Variants in CDC40 observed in about 807,000 individuals in gnomAD.
CDC40 encodes cell division cycle 40.
Under a neutral mutation model 80.6 loss-of-function variants are expected in CDC40, and 27 were observed. The observed-to-expected ratio is 0.33, with a 90% confidence interval of 0.25 to 0.46. CDC40 has a LOEUF of 0.46. Ranked by LOEUF, CDC40 falls within the 20% of genes least tolerant of loss-of-function variation. The pLI, the probability that CDC40 is intolerant of heterozygous loss-of-function variation, is 1.00. For synonymous variants in CDC40, 221 were observed against 232.6 expected (o/e 0.95, Z 0.45); for missense variants, 486 against 694.1 (o/e 0.70, Z 3.37).
chr6:110,208,999 T>G, intron 4 of CDC40, 85 bp from the exon 5 acceptor site: 1 of 863,616 alleles, frequency 1.2e-6, no homozygotes, highest in Non-Finnish European at 1.8e-6. Flanking sequence ...TAAAATAAAA[T>G]TAAACATATG....
chr6:110,225,939 C>A (rs898854660), intron 12 of CDC40, among the ~76,000 whole-genome samples: 3 of 152,120 alleles, frequency 2.0e-5, no homozygotes, highest in Admixed American at 6.5e-5. Flanking sequence ...AAATCACCAC[C>A]ACTGTTATAA....
chr6:110,222,660 C>G (rs899054371), intron 12 of CDC40, among the ~76,000 whole-genome samples: 8 of 152,244 alleles, frequency 5.3e-5, no homozygotes, highest in Admixed American at 5.2e-4. Flanking sequence ...GGTGCCTCCT[C>G]TCCATCGTCC....
At chr6:110,216,033 G>A (rs893313653) in intron 9 of CDC40, among the ~76,000 whole-genome samples, 2 of 152,270 alleles carry the variant, frequency 1.3e-5, no homozygotes, top group Admixed American at 6.5e-5. Context: ...TAAGGTTTTA[G>A]ATACACCAAA....
At chr6:110,204,106 G>A (rs1777527246) in intron 3 of CDC40, among the ~76,000 whole-genome samples, 1 of 152,042 alleles carries the variant, frequency 6.6e-6, no homozygotes, top group African/African-American at 2.4e-5. Context: ...TCCGCCTCCT[G>A]GGTTCAACGC....
chr6:110,188,802 G>GTGGTGTT (rs1370066368), intron 1 of CDC40, among the ~76,000 whole-genome samples: 1 of 152,218 alleles, frequency 6.6e-6, no homozygotes, highest in Non-Finnish European at 1.5e-5. Context: ...GGTAGCCATA[G>GTGGTGTT]CAGTTTAGTA....
At chr6:110,207,345 A>C (rs147700872) in intron 3 of CDC40, among the ~76,000 whole-genome samples, 161 bp from the exon 4 acceptor site, 1 of 151,452 alleles carries the variant, frequency 6.6e-6, no homozygotes, top group African/African-American at 2.4e-5. Context: ...AAAGGAAGCA[A>C]TATAGCTCAG....
At chr6:110,202,585 C>T (rs1031041356) in intron 3 of CDC40, among the ~76,000 whole-genome samples, 3 of 152,066 alleles carry the variant, frequency 2.0e-5, no homozygotes, top group Non-Finnish European at 4.4e-5. Context: ...AAGTTTATAC[C>T]GATACCTACT....
intron 10 of CDC40, among the ~76,000 whole-genome samples, chr6:110,219,091 A>T (rs1000892196): frequency 6.6e-6 from 1 of 152,172 alleles, no homozygotes; most frequent in Non-Finnish European, 1.5e-5. Flanking sequence ...TTGTACCAGT[A>T]GTTTGTTCTT....
intron 4 of CDC40, 51 bp from the exon 5 acceptor site, chr6:110,209,033 C>T (rs1777598401): frequency 3.6e-6 from 4 of 1,096,138 alleles, no homozygotes; most frequent in African/African-American, 1.6e-5. Flanking sequence ...AGAAAATGTA[C>T]ATCTTTGTAA....
intron 12 of CDC40, among the ~76,000 whole-genome samples, chr6:110,223,318 C>T (rs962042504): frequency 2.0e-5 from 3 of 152,160 alleles, no homozygotes; most frequent in African/African-American, 7.2e-5. Flanking sequence ...CTCCTGGCCT[C>T]ACAAAGCTTG....
chr6:110,207,389 A>C (rs369802014), intron 3 of CDC40, 117 bp from the exon 4 acceptor site: 17 of 579,460 alleles, frequency 2.9e-5, no homozygotes, highest in South Asian at 1.6e-4. Context: ...GTCCTGAGTT[A>C]GAGATCATTT....
chr6:110,219,223 C>T, intron 10 of CDC40, 141 bp from the exon 11 acceptor site: 1 of 450,702 alleles, frequency 2.2e-6, no homozygotes, highest in East Asian at 3.5e-5. Flanking sequence ...TGAAAAAGAA[C>T]AAATGTAGTT....
intron 1 of CDC40, among the ~76,000 whole-genome samples, chr6:110,185,193 A>G (rs1176193107): frequency 6.7e-6 from 1 of 148,852 alleles, no homozygotes; most frequent in Admixed American, 6.7e-5. Flanking sequence ...AGTTTCTGTC[A>G]CTTCTTTCTT....
In CDC40 at chr6:110,230,286, T is replaced by C. The variant is rs56070461; in HGVS notation, c.*155T>C. On this transcript the variant is annotated 3_prime_UTR_variant, in exon 15 of 15. Coordinates refer to ENST00000307731, the MANE Select transcript of CDC40 (RefSeq NM_015891.3). ...AAGAAACTGTAAATTTGACATAATT[T>C]CATTTGCAACTTCATTTTGTTTTTT... 0.013 allele frequency: 7,393 copies of C among 562,706 alleles called. 82 individuals carry two copies. Among genetic ancestry groups the C allele is most frequent in the Middle Eastern group, 0.027 (57 of 2,122 alleles). The allele number at this position is 562,706 out of a possible 1,614,324, so 34.9% of individuals were successfully genotyped here. A position where few individuals can be genotyped will look rare whatever the true frequency, so the allele number is the denominator to read the frequency against.
intron 12 of CDC40, among the ~76,000 whole-genome samples, chr6:110,223,645 G>A (rs962830228): frequency 2.6e-5 from 4 of 152,152 alleles, no homozygotes; most frequent in Admixed American, 6.5e-5. Context: ...CTTCAGACAA[G>A]TGGTGTTTGC....
intron 5 of CDC40, among the ~76,000 whole-genome samples, chr6:110,210,410 C>T (rs776082669): frequency 6.6e-6 from 1 of 151,126 alleles, no homozygotes; most frequent in African/African-American, 2.4e-5. Context: ...ATTAGCCAGG[C>T]GTGGTAGTGT....
chr6:110,225,749 T>C (rs1049826874), intron 12 of CDC40, among the ~76,000 whole-genome samples: 5 of 152,224 alleles, frequency 3.3e-5, no homozygotes, highest in African/African-American at 1.2e-4. Context: ...TTTAATTTAA[T>C]TTTTGGTTTT....
At chr6:110,213,192 C>G (rs766771135) in intron 8 of CDC40, 32 bp downstream of exon 8, 5 of 1,293,360 alleles carry the variant, frequency 3.9e-6, no homozygotes, top group Middle Eastern at 1.8e-4. Context: ...AGGAGTGCTG[C>G]AAAGCTAGTT....
chr6:110,183,056 C>T (rs1020767261), intron 1 of CDC40, among the ~76,000 whole-genome samples: 9 of 152,178 alleles, frequency 5.9e-5, no homozygotes, highest in Admixed American at 2.0e-4. Context: ...AAGATTTTGC[C>T]CACGCTAGTC....
Sources: allele counts gnomAD v4.1 joint callset (sites outside exome capture counted in the v4.1 genomes callset), GRCh38; gene constraint gnomAD v4.1.1; transcripts MANE v1.5; gene names NCBI Gene and HGNC (gene_info 2026-07-23, HGNC 2026-07-21).